Variants in TMEM196 observed in about 807,000 individuals in gnomAD.
The protein encoded by TMEM196 is transmembrane protein 196.
In TMEM196, 17 loss-of-function variants were observed where a neutral mutation model predicts 20.0. The observed-to-expected ratio is 0.85, with a 90% confidence interval of 0.58 to 1.27. The LOEUF is 1.27. TMEM196 is among the 50% of genes most tolerant of loss of function. The pLI is 0.00. For synonymous variants in TMEM196, 113 were observed against 88.9 expected (o/e 1.27, Z -1.52); for missense variants, 267 against 223.0 (o/e 1.20, Z -1.26).
At chr7:19,735,484 C>G (rs1336446849) in intron 1 of TMEM196, among the ~76,000 whole-genome samples, 5 of 152,120 alleles carry the variant, frequency 3.3e-5, no homozygotes, top group Admixed American at 2.0e-4. Context: ...CTCTCTTTCT[C>G]TTGCACTGGC....
intron 1 of TMEM196, among the ~76,000 whole-genome samples, chr7:19,765,426 T>A (rs577530006): frequency 6.6e-6 from 1 of 152,276 alleles, no homozygotes; most frequent in South Asian, 2.1e-4. Flanking sequence ...GAGGTATCTG[T>A]GAATAATACA....
At chr7:19,769,528 C>T (rs1252603709) in intron 1 of TMEM196, among the ~76,000 whole-genome samples, 1 of 151,994 alleles carries the variant, frequency 6.6e-6, no homozygotes, top group Non-Finnish European at 1.5e-5. Context: ...GACTGAAAGA[C>T]TCTCTCTTCT....
chr7:19,745,743 C>T (rs981849590), intron 1 of TMEM196, among the ~76,000 whole-genome samples: 4 of 147,882 alleles, frequency 2.7e-5, no homozygotes, highest in African/African-American at 1.0e-4. Context: ...GTTGGAGGCA[C>T]CCAGTGAGCC....
At chr7:19,722,980 G>A (rs774228097) in intron 4 of TMEM196, among the ~76,000 whole-genome samples, 9 of 151,918 alleles carry the variant, frequency 5.9e-5, no homozygotes, top group Non-Finnish European at 1.2e-4. Flanking sequence ...AAATAAATTG[G>A]CAGCATCTTT....
At chr7:19,727,324 G>A (rs1452409356) in intron 2 of TMEM196, among the ~76,000 whole-genome samples, 1 of 152,148 alleles carries the variant, frequency 6.6e-6, no homozygotes, top group Non-Finnish European at 1.5e-5. Context: ...ATTTAGCCCA[G>A]CCAAGATTTT....
chr7:19,754,171 C>G (rs763197247), intron 1 of TMEM196, among the ~76,000 whole-genome samples: 4 of 152,138 alleles, frequency 2.6e-5, no homozygotes, highest in Admixed American at 6.5e-5. Context: ...ACAGTTTCCT[C>G]TTTACTGAGA....
chr7:19,772,446 T>C (rs538273869), intron 1 of TMEM196, 104 bp downstream of exon 1: 1 of 1,281,824 alleles, frequency 7.8e-7, no homozygotes, highest in South Asian at 1.9e-5. Context: ...ATCTATGATT[T>C]TGTTTCCCAG....
At position 19,724,353 on chromosome 7, in the gene TMEM196, T is replaced by G. The variant is rs1265778286; in HGVS notation, c.460A>C (p.Arg154=). ...TCGGTTATTTCAATAGCCCTCAATC[T>G]CTAATGTAAATATAACAATCATACA... The part of the protein sequence containing the change: ...LHHSHEMAEK[R]LRAIEITDLP... The change falls in exon 4 of 5, where the codon AGA becomes CGA. Residue 154 remains arginine (R), a splice_region_variant and synonymous_variant. Transcript: ENST00000405844. 6.5e-7 allele frequency: 1 copy of G among 1,550,092 alleles called. No individual in the cohort carries two copies. The highest frequency in any genetic ancestry group is 2.0e-5 in the Admixed American group (1 of 50,972).
rs149675654 is a variant in TMEM196 at position 19,754,101 on chromosome 7, T to C, written c.147+18449A>G. Among the ~76,000 whole-genome samples, 67 of 152,346 alleles carry C rather than the reference T, an allele frequency of 4.4e-4. No individual in the cohort carries two copies. The East Asian group carries it at 0.012, about 27-fold the overall frequency. On this transcript the variant is annotated intron_variant, in intron 1 of 4. Transcript: ENST00000405844. ...TACTCTGGAGTCATACTGACTGGGT[T>C]TGCATCATGGCTCTCCCATTTTCTG...
chr7:19,721,312 T>C lies in TMEM196; in HGVS notation c.*816A>G, dbSNP rs533734827. On this transcript the variant is annotated 3_prime_UTR_variant, in exon 5 of 5. Transcript: ENST00000405844. Reference sequence around the variant, plus strand: ...ATTTACATTCATGTATGCTATAATATATGCTGTATACATGTTCTATATTTA... The same window carrying C: ...ATTTACATTCATGTATGCTATAATACATGCTGTATACATGTTCTATATTTA... 1 of 152,064 alleles carries C rather than the reference T, an allele frequency of 6.6e-6. No individual in the cohort carries two copies. Among genetic ancestry groups the C allele is most frequent in the South Asian group, 2.1e-4 (1 of 4,824 alleles). The allele number at this position is 152,064 out of a possible 1,614,324, so 9.4% of individuals were successfully genotyped here. A position where few individuals can be genotyped will look rare whatever the true frequency, so the allele number is the denominator to read the frequency against.
At chr7:19,732,887 C>T (rs954544756) in intron 1 of TMEM196, among the ~76,000 whole-genome samples, 1 of 152,172 alleles carries the variant, frequency 6.6e-6, no homozygotes. Context: ...ATGCAAAGCA[C>T]TTACCCACAT....
intron 1 of TMEM196, among the ~76,000 whole-genome samples, chr7:19,764,745 G>C (rs781136630): frequency 5.5e-4 from 83 of 152,108 alleles, no homozygotes; most frequent in Non-Finnish European, 9.7e-4. Context: ...AACGATTTAG[G>C]TCCAATATCT....
chr7:19,749,984 T>G (rs768146051), intron 1 of TMEM196, among the ~76,000 whole-genome samples: 1 of 152,224 alleles, frequency 6.6e-6, no homozygotes, highest in Non-Finnish European at 1.5e-5. Flanking sequence ...ATATCCTAAA[T>G]GACTTTGATT....
chr7:19,730,330 T>C (rs901141918), intron 1 of TMEM196, among the ~76,000 whole-genome samples: 2 of 151,850 alleles, frequency 1.3e-5, no homozygotes, highest in African/African-American at 2.4e-5. Flanking sequence ...AAATAAAACA[T>C]TGTTGACATA....
chr7:19,732,825 G>C (rs1227586185), intron 1 of TMEM196, among the ~76,000 whole-genome samples: 1 of 152,102 alleles, frequency 6.6e-6, no homozygotes, highest in Admixed American at 6.5e-5. Context: ...AAAGGAATTT[G>C]TTATAATATT....
At chr7:19,754,583 A>G (rs1482539008) in intron 1 of TMEM196, among the ~76,000 whole-genome samples, 1 of 152,194 alleles carries the variant, frequency 6.6e-6, no homozygotes, top group African/African-American at 2.4e-5. Flanking sequence ...GCCAGAGTGC[A>G]GGTTTTGATG....
In TMEM196 at chr7:19,720,542, T is replaced by C. The variant is rs889478907; in HGVS notation, c.*1586A>G. 1.3e-5 allele frequency: 2 copies of C among 151,936 alleles called. No homozygotes were observed. The highest frequency in any genetic ancestry group is 4.8e-5 in the African/African-American group (2 of 41,424). 9.4% of individuals were successfully genotyped at this position (151,936 alleles called of 1,614,324 possible). A position where few individuals can be genotyped will look rare whatever the true frequency, so the allele number is the denominator to read the frequency against. Reference sequence around the variant, plus strand: ...TGAGGAAAAAGAAAAGTATACAATATAGTGAGAGTTATGTATTTAAAAATG... The same window carrying C: ...TGAGGAAAAAGAAAAGTATACAATACAGTGAGAGTTATGTATTTAAAAATG... On this transcript the variant is annotated 3_prime_UTR_variant, in exon 5 of 5. Transcript: ENST00000405844.
At chr7:19,747,436 C>G (rs1289641919) in intron 1 of TMEM196, among the ~76,000 whole-genome samples, 1 of 152,120 alleles carries the variant, frequency 6.6e-6, no homozygotes, top group Admixed American at 6.6e-5. Context: ...GGAACACAAT[C>G]TATAGTTACA....
intron 1 of TMEM196, among the ~76,000 whole-genome samples, chr7:19,770,124 C>G (rs1220415753): frequency 1.3e-5 from 2 of 152,166 alleles, no homozygotes; most frequent in Non-Finnish European, 2.9e-5. Flanking sequence ...CTTCCAAGAT[C>G]AAGAATAAAA....
Sources: gnomAD v4.1 joint callset for allele counts (sites outside exome capture counted in the v4.1 genomes callset) on GRCh38, gnomAD v4.1.1 for gene constraint, MANE v1.5 for transcripts, NCBI Gene and HGNC (gene_info 2026-07-23, HGNC 2026-07-21) for gene names.